Variants in SPMIP3 observed in about 807,000 individuals in gnomAD.
SPMIP3 encodes the protein protein SPMIP3.
the SPMIP3 span, among the ~76,000 whole-genome samples, chr1:244,361,107 AAG>A: frequency 6.6e-6 from 1 of 152,070 alleles, no homozygotes; most frequent in Non-Finnish European, 1.5e-5. Flanking sequence ...GGGAGTGGGG[AAG>A]AGGGAATAAA....
At chr1:244,359,834 G>A in the SPMIP3 span, among the ~76,000 whole-genome samples, 15 of 152,148 alleles carry the variant, frequency 9.9e-5, no homozygotes, top group Non-Finnish European at 1.6e-4. Flanking sequence ...AACATGGCCC[G>A]GGGCGGTGGC....
chr1:244,353,999 C>T, the SPMIP3 span, among the ~76,000 whole-genome samples: 1 of 152,116 alleles, frequency 6.6e-6, no homozygotes, highest in Non-Finnish European at 1.5e-5. Flanking sequence ...CACGACTTTC[C>T]CCAGAGGTTG....
the SPMIP3 span, among the ~76,000 whole-genome samples, chr1:244,362,034 T>A: frequency 2.0e-5 from 3 of 152,342 alleles, no homozygotes; most frequent in East Asian, 5.8e-4. Flanking sequence ...CTTTTTTAAA[T>A]AATCACAGCA....
chr1:244,365,861 A>G, the SPMIP3 span, among the ~76,000 whole-genome samples: 1 of 152,156 alleles, frequency 6.6e-6, no homozygotes, highest in Admixed American at 6.6e-5. Context: ...TTGTGGGAAA[A>G]CAAACTGCTC....
the SPMIP3 span, among the ~76,000 whole-genome samples, chr1:244,377,499 A>G: frequency 6.6e-6 from 1 of 152,200 alleles, no homozygotes; most frequent in African/African-American, 2.4e-5. Flanking sequence ...ATTTTTTTAC[A>G]TGCAAGTTGT....
the SPMIP3 span, chr1:244,364,908 T>G: frequency 3.6e-6 from 3 of 836,030 alleles, no homozygotes; most frequent in Non-Finnish European, 3.8e-6. Flanking sequence ...GATGAGCAGG[T>G]CTGTGCAAAC....
At chr1:244,358,927 A>G in the SPMIP3 span, among the ~76,000 whole-genome samples, 1 of 152,118 alleles carries the variant, frequency 6.6e-6, no homozygotes, top group Non-Finnish European at 1.5e-5. Flanking sequence ...GGGAGATGAA[A>G]GTTATGTTGT....
At chr1:244,382,605 T>G in the SPMIP3 span, among the ~76,000 whole-genome samples, 5 of 146,744 alleles carry the variant, frequency 3.4e-5, no homozygotes, top group Admixed American at 6.9e-5. Context: ...CTGCTGTTTT[T>G]TTTTTTTTTT....
the SPMIP3 span, among the ~76,000 whole-genome samples, chr1:244,370,964 CT>C: frequency 6.6e-6 from 1 of 152,168 alleles, no homozygotes; most frequent in African/African-American, 2.4e-5. Flanking sequence ...TAAAAATGCT[CT>C]GTAGAGGATG....
chr1:244,354,194 T>A, the SPMIP3 span, among the ~76,000 whole-genome samples: 2 of 151,926 alleles, frequency 1.3e-5, no homozygotes, highest in Non-Finnish European at 2.9e-5. Context: ...ACATCAAGTC[T>A]TGGGACCCTG....
the SPMIP3 span, among the ~76,000 whole-genome samples, chr1:244,376,205 CTTG>C: frequency 1.3e-5 from 2 of 152,272 alleles, no homozygotes; most frequent in South Asian, 2.1e-4. Flanking sequence ...CGGTCAGATT[CTTG>C]TTCTTGCTTT....
chr1:244,387,123 C>G, the SPMIP3 span, among the ~76,000 whole-genome samples: 1 of 152,168 alleles, frequency 6.6e-6, no homozygotes, highest in East Asian at 1.9e-4. Flanking sequence ...GCCAACATGG[C>G]AAAACCCCAT....
the SPMIP3 span, among the ~76,000 whole-genome samples, chr1:244,382,523 G>A: frequency 6.6e-6 from 1 of 151,638 alleles, no homozygotes; most frequent in African/African-American, 2.4e-5. Context: ...ACGAGCAATG[G>A]TAAGACATTG....
chr1:244,389,198 T>G, the SPMIP3 span: 1 of 688,088 alleles, frequency 1.5e-6, no homozygotes, highest in Middle Eastern at 4.4e-4. Flanking sequence ...ATTTACATGT[T>G]GCAAATTCTT....
the SPMIP3 span, among the ~76,000 whole-genome samples, chr1:244,385,653 A>G: frequency 6.6e-6 from 1 of 152,218 alleles, no homozygotes; most frequent in Admixed American, 6.5e-5. Context: ...TAGAATTGAG[A>G]TACCCATATA....
chr1:244,384,092 T>A, the SPMIP3 span, among the ~76,000 whole-genome samples: 1 of 152,096 alleles, frequency 6.6e-6, no homozygotes, highest in African/African-American at 2.4e-5. Flanking sequence ...TTAAAAAAAA[T>A]TCATTTTGAA....
At chr1:244,378,384 C>A in the SPMIP3 span, 8 of 1,398,166 alleles carry the variant, frequency 5.7e-6, no homozygotes, top group Non-Finnish European at 7.9e-6. Context: ...ACGGCCGTTT[C>A]CAGGGAATGG....
At chr1:244,364,852 G>C in the SPMIP3 span, 1 of 1,276,674 alleles carries the variant, frequency 7.8e-7, no homozygotes, top group African/African-American at 1.5e-5. Context: ...CAGTGGTCCA[G>C]AGACTACTGC....
chr1:244,369,731 T>C, the SPMIP3 span, among the ~76,000 whole-genome samples: 23 of 152,186 alleles, frequency 1.5e-4, no homozygotes, highest in African/African-American at 5.3e-4. Context: ...TGGTTAGGAC[T>C]AGGTGTGGTG....
Sources: allele counts gnomAD v4.1 joint callset (sites outside exome capture counted in the v4.1 genomes callset), GRCh38; gene constraint gnomAD v4.1.1; transcripts MANE v1.5; gene names NCBI Gene and HGNC (gene_info 2026-07-23, HGNC 2026-07-21).